Variants in ANKRD33 observed in about 807,000 individuals in gnomAD.
ANKRD33 encodes the protein photoreceptor ankyrin repeat protein.
In ANKRD33, 20 loss-of-function variants were observed where a neutral mutation model predicts 20.6. The observed-to-expected ratio is 0.97, with a 90% CI of 0.68 to 1.41. The LOEUF is 1.41. Among genes scored for constraint, ANKRD33 ranks in the 40% most tolerant of loss-of-function variants. The pLI, the probability that ANKRD33 is intolerant of heterozygous loss-of-function variation, is 0.00. For synonymous variants in ANKRD33, 246 were observed against 245.0 expected (o/e 1.00, Z -0.04); for missense variants, 545 against 579.6 (o/e 0.94, Z 0.61).
At chr12:51,890,329 A>T in intron 4 of ANKRD33, 1 of 878,964 alleles carries the variant, frequency 1.1e-6, no homozygotes, top group Non-Finnish European at 1.8e-6. Flanking sequence ...CCTTGGATTG[A>T]GGAGATCCCT....
chr12:51,891,148 A>G lies in ANKRD33; in HGVS notation c.1202A>G (p.Lys401Arg). The change falls in exon 5 of 5, where the codon AAG becomes AGG. Residue 401 changes from lysine (K) to arginine (R), a missense_variant. Physicochemically the swap from Lys to Arg is conservative, Grantham distance 26. Transcript: ENST00000301190. Reference sequence around the variant, plus strand: ...ACCAGCCCCAGGCCCCAAGTCCCCAAGATCCTCCTCTCCAAGGCATCCTCA... The same window carrying G: ...ACCAGCCCCAGGCCCCAAGTCCCCAGGATCCTCCTCTCCAAGGCATCCTCA... ...DSTSPRPQVPKILLSKASSSS... is the reference protein window; with the variant it reads ...DSTSPRPQVPRILLSKASSSS... 1 of 1,614,240 alleles carries G rather than the reference A, an allele frequency of 6.2e-7. No individual in the cohort carries two copies. The highest frequency in any genetic ancestry group is 8.5e-7 in the Non-Finnish European group (1 of 1,180,042).
At chr12:51,889,322 C>T (rs1313821190) in intron 3 of ANKRD33, 50 bp from the exon 4 acceptor site, 2 of 1,607,394 alleles carry the variant, frequency 1.2e-6, no homozygotes, top group Non-Finnish European at 8.5e-7. Flanking sequence ...GGTTTGGGAG[C>T]TTCATCACCC....
rs769389622 is a variant in ANKRD33, at chr12:51,888,526, T to A, written c.146-42T>A. Reference sequence around the variant, plus strand: ...CAGCTGCTGGGTCCCCTCCCTAGGATCCAGGGAGACACTCACTACTCCTCT... The same window carrying A: ...CAGCTGCTGGGTCCCCTCCCTAGGAACCAGGGAGACACTCACTACTCCTCT... On this transcript the variant is annotated intron_variant, in intron 1 of 4. Transcript: ENST00000301190. 3 of 1,548,684 alleles carry A rather than the reference T, an allele frequency of 1.9e-6. No individual in the cohort carries two copies. In the African/African-American group the frequency reaches 4.2e-5, roughly 21 times the overall value.
chr12:51,890,282 C>A, intron 4 of ANKRD33: 1 of 574,036 alleles, frequency 1.7e-6, no homozygotes, highest in Non-Finnish European at 3.1e-6. Context: ...AGGCCTCTGC[C>A]TGTCCTGGGC....
intron 4 of ANKRD33, 84 bp downstream of exon 4, chr12:51,889,566 C>T: frequency 6.5e-7 from 1 of 1,536,538 alleles, no homozygotes; most frequent in Non-Finnish European, 8.8e-7. Context: ...TCCAAGCCTT[C>T]CCACCAGACA....
intron 4 of ANKRD33, chr12:51,890,304 C>T (rs1592212480): frequency 1.4e-6 from 1 of 707,826 alleles, no homozygotes; most frequent in Admixed American, 2.2e-5. Flanking sequence ...GCCTGCACCG[C>T]TGCTCTGCTC....
At position 51,888,223 on chromosome 12, in the gene ANKRD33, T is replaced by C; in HGVS notation, c.37T>C (p.Trp13Arg). 2 of 1,614,132 alleles carry C rather than the reference T, an allele frequency of 1.2e-6. No individual in the cohort carries two copies. The highest frequency in any genetic ancestry group is 1.7e-6 in the Non-Finnish European group (2 of 1,179,998). The change falls in exon 1 of 5, where the codon TGG (tryptophan) becomes CGG (arginine). Residue 13 changes from tryptophan (W) to arginine (R), a missense_variant. Coordinates refer to ENST00000301190, the MANE Select transcript of ANKRD33 (RefSeq NM_182608.4). ...GCCATCTGTTACCTGCGTTGCTTCCTGGGGAGGGATAGTCCACCTGGAGGC... is the reference window on the plus strand; with the variant it reads ...GCCATCTGTTACCTGCGTTGCTTCCCGGGGAGGGATAGTCCACCTGGAGGC... The part of the protein sequence containing the change: ...VQPSVTCVAS[W>R]GGIVHLEAFG...
Position 51,890,885 on chromosome 12 carries a change from C to T in ANKRD33, c.939C>T (p.Thr313=), listed in dbSNP as rs1940404292. The change falls in exon 5 of 5, where the codon ACC becomes ACT. Residue 313 remains threonine (T), a synonymous_variant. Transcript: ENST00000301190. The part of the protein sequence containing the change: ...GVLDHLVTAT[T]SLASPFVTTA... ...TGGACCACCTTGTGACTGCCACAAC[C>T]AGCCTGGCCAGTCCCTTCGTCACCA... 1 of 1,613,334 alleles carries T rather than the reference C, an allele frequency of 6.2e-7. No individual in the cohort carries two copies. Among genetic ancestry groups the T allele is most frequent in the Non-Finnish European group, 8.5e-7 (1 of 1,179,996 alleles).
At position 51,890,765 on chromosome 12, in the gene ANKRD33, CCAGGCCCAGGCCCAGGTT is replaced by C; in HGVS notation, c.820_837del (p.Gln274_Val279del). On this transcript the variant is annotated inframe_deletion, in exon 5 of 5. Transcript: ENST00000301190. ...CCTTGTCCGGGCTCGTGGCCCAGGC[CCAGGCCCAGGCCCAGGTT>C]GCCCCTTCACTCCTAGAACGGCTGC... 6.2e-7 allele frequency: 1 copy of C among 1,604,036 alleles called. No homozygotes were observed. The highest frequency in any genetic ancestry group is 8.5e-7 in the Non-Finnish European group (1 of 1,179,328).
intron 4 of ANKRD33, chr12:51,889,708 A>C: frequency 2.4e-6 from 2 of 820,548 alleles, no homozygotes; most frequent in Non-Finnish European, 3.7e-6. Flanking sequence ...TTGATAGCTC[A>C]GACATTGTGT....
rs745427829 is a variant in ANKRD33, at chr12:51,888,293, C to T, written c.107C>T (p.Pro36Leu). The T allele has an allele frequency of 2.5e-6, 4 of 1,614,152 alleles. No individual in the cohort carries two copies. Among genetic ancestry groups the T allele is most frequent in the Non-Finnish European group, 3.4e-6 (4 of 1,180,020 alleles). The change falls in exon 1 of 5, where the codon CCC (proline) becomes CTC (leucine). Residue 36 changes from proline to leucine, a missense_variant. Transcript: ENST00000301190. Reference protein sequence around the residue: ...VIVLRGAWAVPRVDCLIDTLR... With the variant: ...VIVLRGAWAVLRVDCLIDTLR... ...GTGCTCCGCGGAGCCTGGGCTGTGC[C>T]CCGCGTTGACTGCCTCATAGATACC...
In ANKRD33 at chr12:51,888,294, C is replaced by G. The variant is rs79384471; in HGVS notation, c.108C>G (p.Pro36=). Residue 36 remains proline (P), a synonymous_variant, in exon 1 of 5, where the codon CCC becomes CCG. Transcript: ENST00000301190. ...TGCTCCGCGGAGCCTGGGCTGTGCC[C>G]CGCGTTGACTGCCTCATAGATACCC... ...VIVLRGAWAV[P]RVDCLIDTLR... is the part of the protein sequence containing the mutation. 1.6e-3 allele frequency: 2,516 copies of G among 1,614,172 alleles called. 37 individuals are homozygous for G. The African/African-American group carries it at 0.029, about 19-fold the overall frequency.
rs551946603 is a variant in ANKRD33 at position 51,889,223 on chromosome 12, G to A, written c.526+27G>A. ...TGTGAGGCTGCTGCACCCCACTTCC[G>A]ACAGCCCCCTTTTGATGCAGACAGG... On this transcript the variant is annotated intron_variant, in intron 3 of 4. Transcript: ENST00000301190. 1.9e-5 allele frequency: 30 copies of A among 1,613,956 alleles called. No homozygotes were observed. The South Asian group carries it at 2.1e-4, about 11-fold the overall frequency.
rs111907247 is a variant in ANKRD33 at position 51,888,369 on chromosome 12, C to G, written c.145+38C>G. The G allele has an allele frequency of 1.7e-5, 27 of 1,612,800 alleles. 1 individual carries two copies. The African/African-American group carries it at 1.7e-4, about 10-fold the overall frequency. ...GACGACCCTCTCTCCGTGAGTCTCA[C>G]TGGGGTGCTGACCTAGAGTGAACCC... On this transcript the variant is annotated intron_variant, in intron 1 of 4. Transcript: ENST00000301190.
rs866645994 is a variant in ANKRD33 at position 51,890,841 on chromosome 12, C to T, written c.895C>T (p.Pro299Ser). 6.2e-7 allele frequency: 1 copy of T among 1,612,458 alleles called. No homozygotes were observed. The highest frequency in any genetic ancestry group is 1.3e-5 in the African/African-American group (1 of 74,930). ...CTTGAGCCTCCCCTTTGCCCCGTCT[C>T]CTCAGGAGGGGGGTGTTCTGGACCA... ...ATLSLPFAPS[P>S]QEGGVLDHLV... Residue 299 changes from proline (P) to serine (S), a missense_variant, in exon 5 of 5, where the codon CCT becomes TCT. Pro to Ser is a moderately conservative substitution (Grantham distance 74, BLOSUM62 -1). Transcript: ENST00000301190.
Position 51,890,958 on chromosome 12 carries a change from C to T in ANKRD33, c.1012C>T (p.Arg338Ter), listed in dbSNP as rs767615091. 3.7e-6 allele frequency: 6 copies of T among 1,613,582 alleles called. No individual in the cohort carries two copies. The highest frequency in any genetic ancestry group is 1.1e-5 in the South Asian group (1 of 91,074). ...CPDHPPSLGT[R>*]SKSVPELLGT... ...TGACCATCCACCTTCGCTGGGCACC[C>T]GAAGCAAGTCCGTGCCAGAGCTGTT... is the stretch of plus-strand genomic sequence containing the variant. The change falls in exon 5 of 5, where the codon CGA becomes TGA. Residue 338 changes from arginine (R) to a stop codon, truncating the protein, a stop_gained. Coordinates refer to ENST00000301190, the MANE Select transcript of ANKRD33 (RefSeq NM_182608.4). LOFTEE classifies it low-confidence loss of function (END_TRUNC).
Position 51,890,957 on chromosome 12 carries a change from C to G in ANKRD33, c.1011C>G (p.Thr337=). The change falls in exon 5 of 5, where the codon ACC becomes ACG. Residue 337 remains threonine (T), a synonymous_variant. Transcript: ENST00000301190. The part of the protein sequence containing the change: ...LCPDHPPSLG[T]RSKSVPELLG... ...CTGACCATCCACCTTCGCTGGGCAC[C>G]CGAAGCAAGTCCGTGCCAGAGCTGT... 2.5e-6 allele frequency: 4 copies of G among 1,613,634 alleles called. No individual in the cohort carries two copies. The highest frequency in any genetic ancestry group is 3.4e-6 in the Non-Finnish European group (4 of 1,180,014).
intron 1 of ANKRD33, 46 bp downstream of exon 1, chr12:51,888,377 C>T: frequency 1.9e-6 from 3 of 1,611,756 alleles, no homozygotes; most frequent in Non-Finnish European, 2.5e-6. Flanking sequence ...CACTGGGGTG[C>T]TGACCTAGAG....
chr12:51,889,060 C>T lies in ANKRD33; in HGVS notation c.397-7C>T. 1.9e-6 allele frequency: 3 copies of T among 1,614,092 alleles called. No homozygotes were observed. The highest frequency in any genetic ancestry group is 2.5e-6 in the Non-Finnish European group (3 of 1,179,972). On this transcript the variant is annotated splice_polypyrimidine_tract_variant and splice_region_variant and intron_variant, in intron 2 of 4. Transcript: ENST00000301190. ...AAAGCAGGGGATCTGAGCTGCCCCTCCCTCAGACAGGCCTCATGGTCGCAT... is the reference window on the plus strand; with the variant it reads ...AAAGCAGGGGATCTGAGCTGCCCCTTCCTCAGACAGGCCTCATGGTCGCAT...
Sources: allele counts gnomAD v4.1 joint callset, GRCh38; gene constraint gnomAD v4.1.1; transcripts MANE v1.5; gene names NCBI Gene and HGNC (gene_info 2026-07-23, HGNC 2026-07-21).